RBMS3: variants seen among roughly 807,000 people sequenced by gnomAD.
The protein encoded by RBMS3 is RNA binding motif single stranded interacting protein 3.
In RBMS3, 27 loss-of-function variants were observed where a neutral mutation model predicts 66.8. That is an observed-to-expected ratio of 0.40 (90% confidence interval 0.30 to 0.56). The LOEUF is 0.56. Among genes scored for constraint, RBMS3 ranks in the 20% least tolerant of loss-of-function variants. The pLI is 0.40. For missense variants in RBMS3, 513 were observed against 549.5 expected (o/e 0.93, Z 0.66); for synonymous variants, 188 against 183.0 (o/e 1.03, Z -0.22).
intron 1 of RBMS3, among the ~76,000 whole-genome samples, chr3:29,394,124 C>T (rs1406628840): frequency 6.6e-6 from 1 of 152,176 alleles, no homozygotes; most frequent in African/African-American, 2.4e-5. Flanking sequence ...CATCCCTTAT[C>T]TTCAACTGCA....
At chr3:29,733,863 A>G (rs960119573) in intron 4 of RBMS3, among the ~76,000 whole-genome samples, 6 of 152,074 alleles carry the variant, frequency 3.9e-5, no homozygotes, top group South Asian at 2.1e-4. Context: ...GTCTTCTAGT[A>G]GTTTACAGTT....
At chr3:29,338,697 TC>T (rs200332538) in intron 1 of RBMS3, among the ~76,000 whole-genome samples, 1 of 90,380 alleles carries the variant, frequency 1.1e-5, no homozygotes, top group Non-Finnish European at 2.4e-5. Flanking sequence ...TCTCCTCTCC[TC>T]CTCCTCTCCT....
At chr3:29,344,957 A>C (rs1362471251) in intron 1 of RBMS3, among the ~76,000 whole-genome samples, 1 of 152,210 alleles carries the variant, frequency 6.6e-6, no homozygotes, top group East Asian at 1.9e-4. Flanking sequence ...GTAGCTCAAC[A>C]AAATGTCTTT....
At chr3:29,353,969 T>C (rs1362221652) in intron 1 of RBMS3, among the ~76,000 whole-genome samples, 2 of 152,092 alleles carry the variant, frequency 1.3e-5, no homozygotes, top group Non-Finnish European at 2.9e-5. Context: ...TGACACGAAT[T>C]AGTATTAGAT....
intron 3 of RBMS3, among the ~76,000 whole-genome samples, chr3:29,515,663 C>A (rs1213442027): frequency 6.6e-6 from 1 of 152,178 alleles, no homozygotes; most frequent in East Asian, 1.9e-4. Context: ...GGTAAGCAAT[C>A]CAGAGCAGTA....
In RBMS3 at chr3:29,387,851, C is replaced by T. The variant is rs541416070; in HGVS notation, c.76-46892C>T. On this transcript the variant is annotated intron_variant, in intron 1 of 14. Transcript: ENST00000383767. ...ATCTCATTCAAAGTAAAAGAAGAAG[C>T]TTTTGTAAATATCCACACAACCTTG... Among the ~76,000 whole-genome samples the T allele has an allele frequency of 1.5e-4, 23 of 152,230 alleles. No homozygotes were observed. In the South Asian group the frequency reaches 4.6e-3, roughly 30 times the overall value.
chr3:29,857,182 C>G (rs963562441), intron 6 of RBMS3, among the ~76,000 whole-genome samples: 2 of 152,154 alleles, frequency 1.3e-5, no homozygotes, highest in African/African-American at 4.8e-5. Flanking sequence ...GGAATTCTTT[C>G]AGCCTCTAGC....
intron 12 of RBMS3, among the ~76,000 whole-genome samples, chr3:29,945,806 C>T (rs1695265423): frequency 6.6e-6 from 1 of 151,638 alleles, no homozygotes; most frequent in African/African-American, 2.4e-5. Context: ...AATCTAGGCT[C>T]AGGAGTTCTC....
chr3:29,361,439 C>G (rs1320588353), intron 1 of RBMS3, among the ~76,000 whole-genome samples: 2 of 152,330 alleles, frequency 1.3e-5, no homozygotes, highest in East Asian at 3.9e-4. Flanking sequence ...ATGGGCTTCA[C>G]TTTTTGGGTA....
chr3:29,905,707 T>C (rs1327673821), intron 10 of RBMS3, among the ~76,000 whole-genome samples: 3 of 152,056 alleles, frequency 2.0e-5, no homozygotes, highest in South Asian at 2.1e-4. Context: ...AGAAAAATTG[T>C]CTTAGGCCAC....
At chr3:29,914,822 C>T (rs906799718) in intron 10 of RBMS3, among the ~76,000 whole-genome samples, 6 of 151,882 alleles carry the variant, frequency 4.0e-5, no homozygotes, top group African/African-American at 1.4e-4. Flanking sequence ...CAGAAATTGT[C>T]CTGTGTATCC....
chr3:29,454,995 C>G (rs574834431), intron 2 of RBMS3, among the ~76,000 whole-genome samples: 1 of 152,220 alleles, frequency 6.6e-6, no homozygotes, highest in Non-Finnish European at 1.5e-5. Flanking sequence ...CATTTTTGTT[C>G]ATGAAGTCAT....
chr3:29,866,440 C>T (rs932272380), intron 6 of RBMS3, among the ~76,000 whole-genome samples: 24 of 152,178 alleles, frequency 1.6e-4, no homozygotes, highest in African/African-American at 5.8e-4. Context: ...AGTTTCTTTA[C>T]AGCAAGAAAT....
chr3:29,582,777 T>A (rs538596003), intron 3 of RBMS3, among the ~76,000 whole-genome samples: 1 of 152,344 alleles, frequency 6.6e-6, no homozygotes, highest in Admixed American at 6.5e-5. Context: ...ATCATTATTC[T>A]TTAGGGGCAG....
intron 2 of RBMS3, among the ~76,000 whole-genome samples, chr3:29,447,555 A>C (rs1409152203): frequency 6.6e-6 from 1 of 152,222 alleles, no homozygotes; most frequent in Non-Finnish European, 1.5e-5. Context: ...AAGTGGATAT[A>C]GTAATGCTAC....
chr3:29,951,070 G>A (rs1468218271), intron 12 of RBMS3, among the ~76,000 whole-genome samples: 1 of 151,804 alleles, frequency 6.6e-6, no homozygotes, highest in Admixed American at 6.6e-5. Context: ...TGATTTGCTG[G>A]TATTTTTAAT....
chr3:29,853,354 TC>T (rs1282280069), intron 6 of RBMS3, among the ~76,000 whole-genome samples: 1 of 151,882 alleles, frequency 6.6e-6, no homozygotes, highest in Non-Finnish European at 1.5e-5. Context: ...TATGTAATTT[TC>T]CTTTAACAAG....
intron 12 of RBMS3, among the ~76,000 whole-genome samples, chr3:29,951,000 A>G (rs1695649376): frequency 6.6e-6 from 1 of 151,870 alleles, no homozygotes; most frequent in African/African-American, 2.4e-5. Context: ...TTGGAATTAG[A>G]TGGAGTACAT....
chr3:29,933,212 A>G (rs923067194), intron 10 of RBMS3, among the ~76,000 whole-genome samples: 25 of 152,172 alleles, frequency 1.6e-4, no homozygotes, highest in African/African-American at 5.5e-4. Flanking sequence ...GCTTAAATAT[A>G]TTAAGTTGGA....
Sources: gnomAD v4.1 joint callset for allele counts (sites outside exome capture counted in the v4.1 genomes callset) on GRCh38, gnomAD v4.1.1 for gene constraint, MANE v1.5 for transcripts, NCBI Gene and HGNC (gene_info 2026-07-23, HGNC 2026-07-21) for gene names.